The following FOXK1 variants were observed in gnomAD, a reference collection of about 807,000 sequenced individuals.
The protein encoded by FOXK1 is forkhead box protein K1.
FOXK1 carries 19 observed loss-of-function variants against 51.9 expected under a neutral mutation model. The observed-to-expected ratio is 0.37, with a 90% CI of 0.26 to 0.54. The LOEUF (loss-of-function observed/expected upper bound fraction) is 0.54. Ranked by LOEUF, FOXK1 falls within the 20% of genes least tolerant of loss-of-function variation. FOXK1 has a pLI of 0.87. For missense variants in FOXK1, 870 were observed against 1,032.7 expected (o/e 0.84, Z 2.16); for synonymous variants, 537 against 482.6 (o/e 1.11, Z -1.48).
Position 4,722,434 on chromosome 7 carries a change from G to A in FOXK1, c.561-18404G>A, listed in dbSNP as rs556420680. Reference sequence around the variant, plus strand: ...CTTCCCTGAGATCCTGGCCAGAGGAGGTCCCGTGGCCAAGTGGCAGCGGTG... The same window carrying A: ...CTTCCCTGAGATCCTGGCCAGAGGAAGTCCCGTGGCCAAGTGGCAGCGGTG... On this transcript the variant is annotated intron_variant, in intron 1 of 8. Coordinates refer to ENST00000328914, the MANE Select transcript of FOXK1 (RefSeq NM_001037165.2). The surrounding 1 kb of genome is among the most constrained non-coding windows in gnomAD (Gnocchi z 5.1). Among the ~76,000 whole-genome samples, 2 of 152,342 alleles carry A rather than the reference G, an allele frequency of 1.3e-5. No homozygotes were observed. Among genetic ancestry groups the A allele is most frequent in the Non-Finnish European group, 2.9e-5 (2 of 68,040 alleles).
At chr7:4,726,006 C>G (rs1392627080) in intron 1 of FOXK1, among the ~76,000 whole-genome samples, 3 of 137,010 alleles carry the variant, frequency 2.2e-5, no homozygotes, top group African/African-American at 5.3e-5. Flanking sequence ...TTTCTTTCAA[C>G]AAACAGAACT....
At position 4,715,636 on chromosome 7, in the gene FOXK1, G is replaced by A. The variant is rs373719184; in HGVS notation, c.561-25202G>A. On this transcript the variant is annotated intron_variant, in intron 1 of 8. Transcript: ENST00000328914. This position sits in a 1 kb window ranked among gnomAD's most constrained non-coding sequence, Gnocchi z 4.5. ...AATACGGAACTTGGCGAGTTCTTGC[G>A]GCCATCCCTTTTGTTCCCTGCTGTG... Among the ~76,000 whole-genome samples, 43 of 152,256 alleles carry A rather than the reference G, an allele frequency of 2.8e-4. 1 individual carries two copies. Among genetic ancestry groups the A allele is most frequent in the African/African-American group, 7.9e-4 (33 of 41,552 alleles).
At chr7:4,724,415 C>T (rs765877748) in intron 1 of FOXK1, among the ~76,000 whole-genome samples, 1 of 152,186 alleles carries the variant, frequency 6.6e-6, no homozygotes, top group Non-Finnish European at 1.5e-5. Flanking sequence ...AGGGTGGTCT[C>T]GAACTCCTGT....
chr7:4,740,769 C>T, intron 1 of FOXK1, 69 bp from the exon 2 acceptor site: 1 of 1,495,180 alleles, frequency 6.7e-7, no homozygotes, highest in Non-Finnish European at 9.0e-7. Context: ...AGACACGCAC[C>T]TTCCCTGGGT....
chr7:4,761,421 T>C lies in FOXK1; in HGVS notation c.1921+133T>C. 9.7e-6 allele frequency: 9 copies of C among 929,010 alleles called. No homozygotes were observed. Among genetic ancestry groups the C allele is most frequent in the Non-Finnish European group, 1.1e-5 (7 of 616,064 alleles). The allele number at this position is 929,010 out of a possible 1,614,324, so 57.5% of individuals were successfully genotyped here. A position where few individuals can be genotyped will look rare whatever the true frequency, so the allele number is the denominator to read the frequency against. On this transcript the variant is annotated intron_variant, in intron 8 of 8. Transcript: ENST00000328914. The surrounding 1 kb of genome is among the most constrained non-coding windows in gnomAD (Gnocchi z 6.2). ...TCAATTTATTGAGCACCTGCTATAC[T>C]CCAGGCACTGGGGTAATGCAAAGAA...
At chr7:4,701,352 A>G (rs1169488517) in intron 1 of FOXK1, among the ~76,000 whole-genome samples, 1 of 152,328 alleles carries the variant, frequency 6.6e-6, no homozygotes, top group African/African-American at 2.4e-5. Flanking sequence ...GGACACTGAG[A>G]TAAGAAGGTT....
rs1291700747 is a variant in FOXK1, at chr7:4,709,807, C to G, written c.560+26939C>G. On this transcript the variant is annotated intron_variant, in intron 1 of 8. Coordinates refer to ENST00000328914, the MANE Select transcript of FOXK1 (RefSeq NM_001037165.2). This position sits in a 1 kb window ranked among gnomAD's most constrained non-coding sequence, Gnocchi z 5.6. ...GCTGTCCGTCTTCTCGCTGTTCAGC[C>G]AGCAGTTCACTGTCTGTAAAATAGG... 6.6e-6 allele frequency among the ~76,000 whole-genome samples: 1 copy of G among 152,188 alleles called. No homozygotes were observed. The highest frequency in any genetic ancestry group is 1.5e-5 in the Non-Finnish European group (1 of 68,040).
At chr7:4,689,760 A>G (rs1779868858) in intron 1 of FOXK1, among the ~76,000 whole-genome samples, 1 of 152,192 alleles carries the variant, frequency 6.6e-6, no homozygotes, top group Non-Finnish European at 1.5e-5. Flanking sequence ...AGTGCCCCAG[A>G]CCTGGGGAAG....
intron 1 of FOXK1, among the ~76,000 whole-genome samples, chr7:4,708,888 G>A (rs1382058984): frequency 1.3e-5 from 2 of 152,040 alleles, no homozygotes; most frequent in African/African-American, 2.4e-5. Context: ...AACATAGTGA[G>A]ACCCCGTCTC....
chr7:4,692,978 A>G (rs1779912509), intron 1 of FOXK1, among the ~76,000 whole-genome samples: 1 of 151,832 alleles, frequency 6.6e-6, no homozygotes, highest in Admixed American at 6.6e-5. Context: ...GCCTTAAGTC[A>G]TCCTCTGCTA....
At chr7:4,728,730 GAAA>G (rs67143977) in intron 1 of FOXK1, among the ~76,000 whole-genome samples, 9 of 103,892 alleles carry the variant, frequency 8.7e-5, no homozygotes, top group Non-Finnish European at 1.7e-4. Flanking sequence ...GTCTCTTTTT[GAAA>G]AAAAAAAAAA....
At chr7:4,720,568 G>A (rs1368829893) in intron 1 of FOXK1, among the ~76,000 whole-genome samples, 1 of 152,194 alleles carries the variant, frequency 6.6e-6, no homozygotes, top group East Asian at 1.9e-4. Flanking sequence ...TGGGCAGCCT[G>A]TGGCCAACTT....
intron 1 of FOXK1, among the ~76,000 whole-genome samples, chr7:4,716,613 G>C (rs1326517770): frequency 6.6e-6 from 1 of 152,202 alleles, no homozygotes; most frequent in Admixed American, 6.5e-5. Context: ...CTGTGGCCAC[G>C]GGCAGGGCCA....
intron 1 of FOXK1, among the ~76,000 whole-genome samples, chr7:4,720,612 G>A (rs979381993): frequency 6.6e-6 from 1 of 152,190 alleles, no homozygotes; most frequent in Non-Finnish European, 1.5e-5. Flanking sequence ...GGAGACTCCA[G>A]CCTCAGCCCC....
rs1780736322 is a variant in FOXK1 at position 4,748,658 on chromosome 7, T to C, written c.747-5801T>C. Reference sequence around the variant, plus strand: ...TCTTTCCTGATTTGTTCCTTTGTTTTACCAGAGTCCATCCCCCAGTCGCTT... The same window carrying C: ...TCTTTCCTGATTTGTTCCTTTGTTTCACCAGAGTCCATCCCCCAGTCGCTT... On this transcript the variant is annotated intron_variant, in intron 2 of 8. Coordinates refer to ENST00000328914, the MANE Select transcript of FOXK1 (RefSeq NM_001037165.2). The surrounding 1 kb of genome is among the most constrained non-coding windows in gnomAD (Gnocchi z 4.9). Among the ~76,000 whole-genome samples the C allele has an allele frequency of 6.6e-6, 1 of 152,196 alleles. No individual in the cohort carries two copies. The highest frequency in any genetic ancestry group is 2.4e-5 in the African/African-American group (1 of 41,444).
At chr7:4,752,024 C>G (rs1178772892) in intron 2 of FOXK1, among the ~76,000 whole-genome samples, 1 of 152,240 alleles carries the variant, frequency 6.6e-6, no homozygotes, top group African/African-American at 2.4e-5. Flanking sequence ...GTGATCATAG[C>G]TCACTGCAGC....
rs1436514981 is a variant in FOXK1 at position 4,759,298 on chromosome 7, G to A, written c.1412-13G>A. ...CGGGAGGGGTCACCGTCCGCTCTCCGCCCTCCGTGCAGGCTCCCCCGTCAG... is the reference window on the plus strand; with the variant it reads ...CGGGAGGGGTCACCGTCCGCTCTCCACCCTCCGTGCAGGCTCCCCCGTCAG... On this transcript the variant is annotated splice_polypyrimidine_tract_variant and intron_variant, in intron 6 of 8. Transcript: ENST00000328914. The A allele has an allele frequency of 1.1e-5, 18 of 1,601,166 alleles. No individual in the cohort carries two copies. The Admixed American group carries it at 1.7e-4, about 15-fold the overall frequency.
At chr7:4,741,199 A>G (rs1780629575) in intron 2 of FOXK1, among the ~76,000 whole-genome samples, 176 bp downstream of exon 2, 1 of 152,248 alleles carries the variant, frequency 6.6e-6, no homozygotes, top group South Asian at 2.1e-4. Context: ...GAATTCTCTT[A>G]CAAAGGGAAA....
intron 1 of FOXK1, among the ~76,000 whole-genome samples, chr7:4,724,281 C>T (rs1271711488): frequency 3.3e-5 from 5 of 152,102 alleles, no homozygotes; most frequent in Admixed American, 1.3e-4. Flanking sequence ...CTGCAACCTC[C>T]GTCTCCCGGG....
Sources: allele counts gnomAD v4.1 joint callset (sites outside exome capture counted in the v4.1 genomes callset), GRCh38; gene constraint gnomAD v4.1.1; non-coding constraint Gnocchi (gnomAD v3.1); transcripts MANE v1.5; gene names NCBI Gene and HGNC (gene_info 2026-07-23, HGNC 2026-07-21).